Variants in CARMIL1 observed in about 807,000 individuals in gnomAD.
CARMIL1 encodes F-actin-uncapping protein LRRC16A.
In CARMIL1, 90 loss-of-function variants were observed where a neutral mutation model predicts 177.1. The observed-to-expected ratio is 0.51, with a 90% CI of 0.43 to 0.61. The LOEUF is 0.61. Among genes scored for constraint, CARMIL1 ranks in the 20% least tolerant of loss-of-function variants. The pLI, the probability that CARMIL1 is intolerant of heterozygous loss-of-function variation, is 0.00. For synonymous variants in CARMIL1, 577 were observed against 606.2 expected (o/e 0.95, Z 0.71); for missense variants, 1,380 against 1,667.0 (o/e 0.83, Z 3.00).
At chr6:25,580,606 A>G (rs1414725932) in intron 29 of CARMIL1, among the ~76,000 whole-genome samples, 1 of 152,304 alleles carries the variant, frequency 6.6e-6, no homozygotes, top group African/African-American at 2.4e-5. Context: ...GACTGATTTT[A>G]ACAGTCTTTG....
At chr6:25,422,013 A>G (rs1795904295) in intron 3 of CARMIL1, among the ~76,000 whole-genome samples, 2 of 152,206 alleles carry the variant, frequency 1.3e-5, no homozygotes, top group South Asian at 4.2e-4. Context: ...TAAAACTTAA[A>G]GTATAATAAT....
intron 33 of CARMIL1, among the ~76,000 whole-genome samples, chr6:25,601,406 G>A (rs189934498): frequency 6.6e-5 from 10 of 152,244 alleles, no homozygotes; most frequent in Non-Finnish European, 1.3e-4. Context: ...GCTCACATCT[G>A]GGGGAAAAGA....
chr6:25,335,625 T>A (rs1179078707), intron 2 of CARMIL1, among the ~76,000 whole-genome samples: 1 of 152,220 alleles, frequency 6.6e-6, no homozygotes, highest in African/African-American at 2.4e-5. Context: ...TGTCCCCAAG[T>A]GATAAATGGT....
In CARMIL1 at chr6:25,606,136, C is replaced by G; in HGVS notation, c.3710C>G (p.Pro1237Arg). 6.2e-7 allele frequency: 1 copy of G among 1,613,932 alleles called. No individual in the cohort carries two copies. Among genetic ancestry groups the G allele is most frequent in the South Asian group, 1.1e-5 (1 of 91,062 alleles). Reference protein sequence around the residue: ...GTPEKNTKAEPKAEAGSRSRS... With the variant: ...GTPEKNTKAERKAEAGSRSRS... Reference sequence around the variant, plus strand: ...CCAGAAAAGAATACCAAAGCAGAACCCAAAGCGGAAGCAGGCTCCAGGTCT... The same window carrying G: ...CCAGAAAAGAATACCAAAGCAGAACGCAAAGCGGAAGCAGGCTCCAGGTCT... Residue 1237 changes from proline to arginine, a missense_variant, in exon 35 of 37, where the codon CCC becomes CGC. Physicochemically the swap from Pro to Arg is moderately radical, Grantham distance 103 (BLOSUM62 -2). Coordinates refer to ENST00000329474, the MANE Select transcript of CARMIL1 (RefSeq NM_017640.6).
intron 24 of CARMIL1, among the ~76,000 whole-genome samples, chr6:25,530,535 T>A (rs1057228857): frequency 6.6e-6 from 1 of 152,128 alleles, no homozygotes; most frequent in African/African-American, 2.4e-5. Context: ...ACAAGGGAAC[T>A]AAAATCAATT....
chr6:25,283,997 C>T (rs2690052), intron 1 of CARMIL1, among the ~76,000 whole-genome samples: 7,611 of 152,092 alleles, frequency 0.05, 587 homozygotes, highest in African/African-American at 0.16. Context: ...GGATTACAGA[C>T]GTGAGCCAAC....
chr6:25,501,992 T>TAA (rs34408599), intron 17 of CARMIL1, among the ~76,000 whole-genome samples: 9,656 of 97,086 alleles, frequency 0.099, 577 homozygotes, highest in Middle Eastern at 0.16. Context: ...AGACATATTG[T>TAA]AAAAAAAAAA....
At chr6:25,344,832 G>A (rs1198810806) in intron 2 of CARMIL1, among the ~76,000 whole-genome samples, 1 of 152,138 alleles carries the variant, frequency 6.6e-6, no homozygotes, top group Non-Finnish European at 1.5e-5. Context: ...CAAGGACATT[G>A]CTGTATGAAA....
At chr6:25,447,359 G>A (rs1190863498) in intron 5 of CARMIL1, among the ~76,000 whole-genome samples, 1 of 152,112 alleles carries the variant, frequency 6.6e-6, no homozygotes, top group Non-Finnish European at 1.5e-5. Flanking sequence ...ACCCAACCAG[G>A]CAACCTCCCA....
chr6:25,398,559 G>A (rs980805934), intron 2 of CARMIL1, among the ~76,000 whole-genome samples: 3 of 152,164 alleles, frequency 2.0e-5, no homozygotes, highest in African/African-American at 7.2e-5. Context: ...CTTGGTGTTA[G>A]CAAGTCCTGT....
At chr6:25,369,729 G>T (rs1335597365) in intron 2 of CARMIL1, among the ~76,000 whole-genome samples, 1 of 152,136 alleles carries the variant, frequency 6.6e-6, no homozygotes, top group East Asian at 1.9e-4. Flanking sequence ...GCCCACATTT[G>T]CCTCTGGAGC....
chr6:25,385,675 G>A (rs1792078604), intron 2 of CARMIL1, among the ~76,000 whole-genome samples: 1 of 152,166 alleles, frequency 6.6e-6, no homozygotes, highest in South Asian at 2.1e-4. Context: ...GTTTTCTAGA[G>A]TTATATATTG....
chr6:25,611,861 G>A (rs922544051), intron 36 of CARMIL1, among the ~76,000 whole-genome samples: 1 of 152,168 alleles, frequency 6.6e-6, no homozygotes, highest in Non-Finnish European at 1.5e-5. Context: ...GGAGATACTG[G>A]ATACCACTGC....
intron 11 of CARMIL1, among the ~76,000 whole-genome samples, chr6:25,474,202 G>A (rs1473636737): frequency 6.6e-6 from 1 of 151,558 alleles, no homozygotes; most frequent in East Asian, 1.9e-4. Context: ...CTGCCTCCCA[G>A]GTTCATGCCA....
intron 2 of CARMIL1, among the ~76,000 whole-genome samples, chr6:25,383,949 C>T (rs112090199): frequency 0.049 from 7,452 of 152,130 alleles, 520 homozygotes; most frequent in African/African-American, 0.15. Context: ...AGCAATTCTC[C>T]CTGCCTCAGC....
intron 23 of CARMIL1, among the ~76,000 whole-genome samples, chr6:25,521,544 C>T (rs1025206829): frequency 1.3e-5 from 2 of 152,110 alleles, no homozygotes; most frequent in Admixed American, 6.5e-5. Flanking sequence ...CTGAGGCAGG[C>T]GGATCATGAG....
At chr6:25,589,742 C>T (rs1814121557) in intron 31 of CARMIL1, among the ~76,000 whole-genome samples, 1 of 152,194 alleles carries the variant, frequency 6.6e-6, no homozygotes, top group African/African-American at 2.4e-5. Context: ...CATGCCTCAG[C>T]CTCCCAAAGT....
At chr6:25,487,629 A>G (rs1802794903) in intron 12 of CARMIL1, among the ~76,000 whole-genome samples, 1 of 152,212 alleles carries the variant, frequency 6.6e-6, no homozygotes, top group African/African-American at 2.4e-5. Context: ...GTGATGAGTG[A>G]TTGAGTCTCA....
At chr6:25,386,059 T>C (rs1227823498) in intron 2 of CARMIL1, among the ~76,000 whole-genome samples, 2 of 152,242 alleles carry the variant, frequency 1.3e-5, no homozygotes, top group African/African-American at 4.8e-5. Flanking sequence ...CATCCGAGTG[T>C]ATTTGCCTCA....
Sources: gnomAD v4.1 joint callset for allele counts (sites outside exome capture counted in the v4.1 genomes callset) on GRCh38, gnomAD v4.1.1 for gene constraint, MANE v1.5 for transcripts, NCBI Gene and HGNC (gene_info 2026-07-23, HGNC 2026-07-21) for gene names.